Variants in GPAT3 observed in about 807,000 individuals in gnomAD.
GPAT3 encodes the protein glycerol-3-phosphate acyltransferase 3.
GPAT3 carries 53 observed loss-of-function variants against 58.8 expected under a neutral mutation model. That is an observed-to-expected ratio of 0.90 (90% CI 0.72 to 1.13). GPAT3 has a LOEUF of 1.13. Among genes scored for constraint, GPAT3 ranks in the 50% most tolerant of loss-of-function variants. The pLI is 0.00. For synonymous variants in GPAT3, 197 were observed against 187.4 expected, an observed-to-expected ratio of 1.05 and a Z score of -0.42; for missense variants, 511 against 527.6, an observed-to-expected ratio of 0.97 and a Z score of 0.31.
chr4:83,585,136 A>G (rs1726331034), intron 3 of GPAT3, among the ~76,000 whole-genome samples: 1 of 152,154 alleles, frequency 6.6e-6, no homozygotes, highest in Non-Finnish European at 1.5e-5. Context: ...TAGTTATTGC[A>G]TCAGTAACTG....
chr4:83,584,546 GTC>G (rs1196263735), intron 3 of GPAT3, among the ~76,000 whole-genome samples: 1 of 152,124 alleles, frequency 6.6e-6, no homozygotes, highest in Non-Finnish European at 1.5e-5. Context: ...ATGAGATAGA[GTC>G]TCACTCCATC....
chr4:83,564,557 G>A lies in GPAT3; in HGVS notation c.209-17005G>A, dbSNP rs142677889. Among the ~76,000 whole-genome samples, 306 of 152,184 alleles carry A rather than the reference G, an allele frequency of 2.0e-3. 3 individuals carry two copies. The highest frequency in any genetic ancestry group is 6.8e-3 in the African/African-American group (282 of 41,522). ...CTACAAAAACTCAAAAAATTAGCCA[G>A]GTGTGGTGGTGCATACCTGCGGTCC... On this transcript the variant is annotated intron_variant, in intron 2 of 11. Transcript: ENST00000264409.
At position 83,604,991 on chromosome 4, in the gene GPAT3, A is replaced by G; in HGVS notation, c.*224A>G. 1 of 413,634 alleles carries G rather than the reference A, an allele frequency of 2.4e-6. No individual in the cohort carries two copies. Among genetic ancestry groups the G allele is most frequent in the East Asian group, 4.1e-5 (1 of 24,312 alleles). The allele number at this position is 413,634 out of a possible 1,614,324, so 25.6% of individuals were successfully genotyped here. On this transcript the variant is annotated 3_prime_UTR_variant, in exon 12 of 12. Coordinates refer to ENST00000264409, the MANE Select transcript of GPAT3 (RefSeq NM_032717.5). ...GGATTGTAAGGTGGTTTACTGAGTT[A>G]AAACAGATTCTGCTTTTGTAAAATG...
intron 7 of GPAT3, 83 bp from the exon 8 acceptor site, chr4:83,596,775 C>A: frequency 9.9e-7 from 1 of 1,008,898 alleles, no homozygotes; most frequent in Non-Finnish European, 1.5e-6. Context: ...CACAATTGTG[C>A]CAGTAAAGTG....
chr4:83,604,677 A>C lies in GPAT3; in HGVS notation c.1215A>C (p.Gly405=), dbSNP rs1475819791. ...GGLTELPWDG[G]LKRAKVKDIF... ...GTCTTTCTGTTTGCAGGGATGGAGG[A>C]CTAAAGAGAGCAAAGGTGAAGGACA... Residue 405 remains glycine, a synonymous_variant, in exon 12 of 12, where the codon GGA becomes GGC. Transcript: ENST00000264409. 6.2e-7 allele frequency: 1 copy of C among 1,613,654 alleles called. No individual in the cohort carries two copies. Among genetic ancestry groups the C allele is most frequent in the Non-Finnish European group, 8.5e-7 (1 of 1,179,794 alleles).
intron 2 of GPAT3, among the ~76,000 whole-genome samples, chr4:83,558,874 C>G (rs116018930): frequency 6.6e-6 from 1 of 152,026 alleles, no homozygotes; most frequent in East Asian, 1.9e-4. Context: ...TCTGTGAAGG[C>G]TGATTACTGA....
chr4:83,581,625 T>A lies in GPAT3; in HGVS notation c.272T>A (p.Phe91Tyr), dbSNP rs778285085. The A allele has an allele frequency of 8.1e-6, 13 of 1,614,170 alleles. No individual in the cohort carries two copies. The highest frequency in any genetic ancestry group is 1.1e-5 in the Non-Finnish European group (13 of 1,180,022). The change falls in exon 3 of 12, where the codon TTT becomes TAT. Residue 91 changes from phenylalanine to tyrosine, a missense_variant. Transcript: ENST00000264409. ...CTCTCTGGTCTACGAGGAAGGGACTTTGAGCTGTCTGACGTGTTTTATTTC... is the reference window on the plus strand; with the variant it reads ...CTCTCTGGTCTACGAGGAAGGGACTATGAGCTGTCTGACGTGTTTTATTTC... Reference protein sequence around the residue: ...KGLSGLRGRDFELSDVFYFSK... With the variant: ...KGLSGLRGRDYELSDVFYFSK...
intron 4 of GPAT3, 94 bp from the exon 5 acceptor site, chr4:83,588,116 G>C: frequency 1.0e-6 from 1 of 979,730 alleles, no homozygotes; most frequent in Non-Finnish European, 1.6e-6. Context: ...ATAGAATGTG[G>C]TATGCTGTTG....
chr4:83,575,514 A>G lies in GPAT3; in HGVS notation c.209-6048A>G, dbSNP rs541330280. Among the ~76,000 whole-genome samples the G allele has an allele frequency of 3.3e-5, 5 of 151,790 alleles. No individual in the cohort carries two copies. The East Asian group carries it at 9.7e-4, about 30-fold the overall frequency. On this transcript the variant is annotated intron_variant, in intron 2 of 11. Transcript: ENST00000264409. ...TGCAAGCTCCACCTCCCGAGTTCAC[A>G]CCATTCTCCTGCCACAGCCTCCCCA...
intron 2 of GPAT3, among the ~76,000 whole-genome samples, chr4:83,546,312 T>C (rs1419184113): frequency 6.6e-6 from 1 of 151,350 alleles, no homozygotes; most frequent in African/African-American, 2.4e-5. Flanking sequence ...GGACACAAAG[T>C]ATTTCAATTT....
rs1726458744 is a variant in GPAT3 at position 83,588,211 on chromosome 4, C to T, written c.556C>T (p.Leu186Phe). Residue 186 changes from leucine (L) to phenylalanine (F), a missense_variant and splice_region_variant, in exon 5 of 12, where the codon CTC (leucine) becomes TTC (phenylalanine). By Grantham distance (22) the Leu-to-Phe change is conservative. Transcript: ENST00000264409. ...ATAAAATGTTTCTATTTCCTTCAGC[C>T]TCAAAAACTGGCTGAGTGAACTGGT... Reference protein sequence around the residue: ...TLVGQLPDSSLKNWLSELVHL... With the variant: ...TLVGQLPDSSFKNWLSELVHL... The T allele has an allele frequency of 1.2e-6, 2 of 1,613,844 alleles. No homozygotes were observed. Among genetic ancestry groups the T allele is most frequent in the Non-Finnish European group, 1.7e-6 (2 of 1,179,856 alleles).
intron 2 of GPAT3, among the ~76,000 whole-genome samples, chr4:83,562,225 A>ATATATAATATATATATATTATATATAT (rs1185063026): frequency 1.6e-5 from 1 of 61,398 alleles, no homozygotes; most frequent in Non-Finnish European, 3.0e-5. Flanking sequence ...ATATATATAT[A>ATATATAATATATATATATTATATATAT]ATATATATAT....
intron 2 of GPAT3, among the ~76,000 whole-genome samples, chr4:83,549,729 G>A (rs2015785): frequency 0.49 from 71,855 of 145,256 alleles, 17,982 homozygotes; most frequent in Middle Eastern, 0.58. Flanking sequence ...TATTATTATT[G>A]TTATTATTAT....
intron 2 of GPAT3, among the ~76,000 whole-genome samples, chr4:83,572,589 T>C (rs1156592558): frequency 6.6e-6 from 1 of 152,160 alleles, no homozygotes; most frequent in African/African-American, 2.4e-5. Context: ...TAATTAGAAA[T>C]ACCATAGTCT....
chr4:83,557,529 T>G (rs1210677406), intron 2 of GPAT3, among the ~76,000 whole-genome samples: 1 of 150,536 alleles, frequency 6.6e-6, no homozygotes, highest in Non-Finnish European at 1.5e-5. Flanking sequence ...AAAAAAAAAT[T>G]GCAAAAAAAT....
At chr4:83,575,019 G>T (rs914720144) in intron 2 of GPAT3, among the ~76,000 whole-genome samples, 4 of 151,804 alleles carry the variant, frequency 2.6e-5, no homozygotes, top group African/African-American at 4.8e-5. Flanking sequence ...TGGGACTACA[G>T]GCGCCCGCCA....
intron 2 of GPAT3, among the ~76,000 whole-genome samples, chr4:83,560,305 A>C (rs1283244293): frequency 2.6e-5 from 4 of 152,136 alleles, no homozygotes; most frequent in African/African-American, 9.7e-5. Flanking sequence ...CCTGCTCTTC[A>C]CCAGTTTGAT....
intron 2 of GPAT3, among the ~76,000 whole-genome samples, chr4:83,551,343 T>C (rs1724741094): frequency 1.3e-5 from 2 of 152,096 alleles, no homozygotes; most frequent in African/African-American, 4.8e-5. Context: ...GAATCACAAA[T>C]AGATACTATA....
intron 1 of GPAT3, among the ~76,000 whole-genome samples, chr4:83,541,172 T>G (rs530494905): frequency 6.6e-6 from 1 of 152,290 alleles, no homozygotes; most frequent in African/African-American, 2.4e-5. Context: ...AAAAGGGTTT[T>G]CTAGTGCAAA....
Sources: gnomAD v4.1 joint callset for allele counts (sites outside exome capture counted in the v4.1 genomes callset) on GRCh38, gnomAD v4.1.1 for gene constraint, MANE v1.5 for transcripts, NCBI Gene and HGNC (gene_info 2026-07-23, HGNC 2026-07-21) for gene names.